GRID1: variants seen among roughly 807,000 people sequenced by gnomAD.
GRID1 encodes the protein glutamate ionotropic receptor delta type subunit 1.
Under a neutral mutation model 98.0 loss-of-function variants are expected in GRID1, and 28 were observed. The ratio of observed to expected loss-of-function variants is 0.29; its 90% CI spans 0.21 to 0.39. The LOEUF is 0.39. GRID1 is among the 10% of genes least tolerant of loss of function. The pLI is 1.00. For synonymous variants in GRID1, 553 were observed against 538.5 expected, an observed-to-expected ratio of 1.03 and a Z score of -0.37; for missense variants, 1,111 against 1,340.5, an observed-to-expected ratio of 0.83 and a Z score of 2.67.
chr10:86,096,214 C>T (rs887808278), intron 4 of GRID1, among the ~76,000 whole-genome samples: 4 of 151,388 alleles, frequency 2.6e-5, no homozygotes, highest in Non-Finnish European at 4.4e-5. Context: ...TGAGAGGGGG[C>T]AAGGGATAAA....
chr10:86,127,232 G>A (rs1844767473), intron 4 of GRID1, among the ~76,000 whole-genome samples: 1 of 152,106 alleles, frequency 6.6e-6, no homozygotes, highest in Admixed American at 6.5e-5. Context: ...CAGGGGCAGA[G>A]ACCATGTCTT....
At chr10:85,832,058 T>C (rs141163312) in intron 8 of GRID1, among the ~76,000 whole-genome samples, 426 of 152,236 alleles carry the variant, frequency 2.8e-3, no homozygotes, top group Non-Finnish European at 4.9e-3. Flanking sequence ...AAAACAATTT[T>C]TTTTGTGCCA....
intron 4 of GRID1, among the ~76,000 whole-genome samples, chr10:86,008,779 A>G (rs1174278143): frequency 6.6e-6 from 1 of 152,194 alleles, no homozygotes; most frequent in African/African-American, 2.4e-5. Context: ...CATCTCCCAT[A>G]TTTTGCTGGT....
rs146911882 is a variant in GRID1 at position 86,241,836 on chromosome 10, C to T, written c.236-35188G>A. 2.2e-3 allele frequency among the ~76,000 whole-genome samples: 337 copies of T among 152,238 alleles called. 1 individual carries two copies. Among genetic ancestry groups the T allele is most frequent in the African/African-American group, 7.6e-3 (315 of 41,538 alleles). ...ACTGCCTGGATGGAGCAGAAGACAC[C>T]CCCACCTGACCCAGCCTGGTCAGAG... On this transcript the variant is annotated intron_variant, in intron 2 of 15. Transcript: ENST00000327946.
intron 8 of GRID1, among the ~76,000 whole-genome samples, chr10:85,751,561 C>A (rs888787601): frequency 6.6e-6 from 1 of 152,040 alleles, no homozygotes; most frequent in Non-Finnish European, 1.5e-5. Context: ...GCCTCAGGAC[C>A]AAAACTTAGT....
At chr10:85,922,270 C>A (rs1259407881) in intron 4 of GRID1, among the ~76,000 whole-genome samples, 3 of 152,150 alleles carry the variant, frequency 2.0e-5, no homozygotes, top group Non-Finnish European at 4.4e-5. Flanking sequence ...TTCTCATAAG[C>A]CTGAAACCAT....
chr10:85,912,389 C>A (rs1195777329), intron 5 of GRID1, among the ~76,000 whole-genome samples: 2 of 152,208 alleles, frequency 1.3e-5, no homozygotes, highest in Non-Finnish European at 2.9e-5. Context: ...GCTTCCTCTG[C>A]GTGCAATTAT....
chr10:85,662,595 C>T (rs1488119419), intron 12 of GRID1, among the ~76,000 whole-genome samples: 1 of 152,224 alleles, frequency 6.6e-6, no homozygotes, highest in Non-Finnish European at 1.5e-5. Context: ...CTCCCTTCTC[C>T]TTCCAAACCA....
intron 5 of GRID1, among the ~76,000 whole-genome samples, chr10:85,881,428 AGC>A (rs1438648510): frequency 1.8e-4 from 27 of 152,332 alleles, no homozygotes; most frequent in African/African-American, 6.3e-4. Flanking sequence ...AAACAGAGAT[AGC>A]GATCAATGGA....
At chr10:86,072,554 G>T (rs1003067877) in intron 4 of GRID1, among the ~76,000 whole-genome samples, 2 of 152,154 alleles carry the variant, frequency 1.3e-5, no homozygotes, top group East Asian at 3.8e-4. Context: ...AGTAGCAGAG[G>T]TAATTAAAGA....
At chr10:86,186,060 C>T (rs2132004833) in intron 3 of GRID1, among the ~76,000 whole-genome samples, 1 of 152,288 alleles carries the variant, frequency 6.6e-6, no homozygotes, top group Admixed American at 6.5e-5. Context: ...TTTTCTTTCT[C>T]TGAGGTTTTT....
At chr10:85,898,682 C>T (rs934865941) in intron 5 of GRID1, among the ~76,000 whole-genome samples, 6 of 152,152 alleles carry the variant, frequency 3.9e-5, no homozygotes, top group African/African-American at 7.2e-5. Flanking sequence ...TCCACCTCCA[C>T]ATCTTGTCTC....
At chr10:86,096,342 A>G (rs967004793) in intron 4 of GRID1, among the ~76,000 whole-genome samples, 1 of 148,708 alleles carries the variant, frequency 6.7e-6, no homozygotes, top group Non-Finnish European at 1.5e-5. Flanking sequence ...TAACTTATGG[A>G]AAAAAAAGAA....
intron 2 of GRID1, among the ~76,000 whole-genome samples, chr10:86,262,404 C>T (rs896237074): frequency 2.0e-5 from 3 of 152,226 alleles, no homozygotes; most frequent in Non-Finnish European, 4.4e-5. Context: ...CCACCCACCT[C>T]GAAGAGCTTG....
At chr10:85,858,002 T>C (rs975872934) in intron 6 of GRID1, among the ~76,000 whole-genome samples, 1 of 152,110 alleles carries the variant, frequency 6.6e-6, no homozygotes, top group African/African-American at 2.4e-5. Context: ...CAATAGGAGG[T>C]GCAAGGCATC....
At chr10:86,167,509 G>A (rs1298936639) in intron 3 of GRID1, among the ~76,000 whole-genome samples, 2 of 152,246 alleles carry the variant, frequency 1.3e-5, no homozygotes, top group Admixed American at 1.3e-4. Context: ...CAGGCAAACG[G>A]TGCCAAGGTT....
chr10:86,075,629 C>A (rs984353830), intron 4 of GRID1, among the ~76,000 whole-genome samples: 1 of 152,218 alleles, frequency 6.6e-6, no homozygotes, highest in Non-Finnish European at 1.5e-5. Flanking sequence ...CAAGGTTCCT[C>A]CAGGTGCTTC....
chr10:85,844,393 G>A (rs1842986882), intron 8 of GRID1, among the ~76,000 whole-genome samples: 1 of 145,922 alleles, frequency 6.9e-6, no homozygotes, highest in South Asian at 2.2e-4. Flanking sequence ...TATCAGCTCA[G>A]ACAGGAAAAT....
At chr10:85,815,238 A>G (rs1464569665) in intron 8 of GRID1, among the ~76,000 whole-genome samples, 1 of 152,050 alleles carries the variant, frequency 6.6e-6, no homozygotes, top group Non-Finnish European at 1.5e-5. Context: ...ACAGAAGGAA[A>G]CTTCCACGAC....
Sources: allele counts gnomAD v4.1 joint callset (sites outside exome capture counted in the v4.1 genomes callset), GRCh38; gene constraint gnomAD v4.1.1; transcripts MANE v1.5; gene names NCBI Gene and HGNC (gene_info 2026-07-23, HGNC 2026-07-21).